The following CACNA2D4 variants were observed in gnomAD, a reference collection of about 807,000 sequenced individuals.
CACNA2D4 encodes the protein calcium voltage-gated channel auxiliary subunit alpha2delta 4, also known as voltage-dependent calcium channel subunit alpha-2/delta-4.
Under a neutral mutation model 163.8 loss-of-function variants are expected in CACNA2D4, and 157 were observed. The observed-to-expected ratio is 0.96, with a 90% CI of 0.84 to 1.09. CACNA2D4 has a LOEUF of 1.09. Among genes scored for constraint, CACNA2D4 ranks in the 50% least tolerant of loss-of-function variants. The pLI is 0.00. For missense variants in CACNA2D4, 1,410 were observed against 1,479.9 expected (o/e 0.95, Z 0.78); for synonymous variants, 598 against 586.9 (o/e 1.02, Z -0.27).
Position 1,848,762 on chromosome 12 carries a change from A to AATTATTATTATTATTATT in CACNA2D4, c.2247-2091_2247-2074dup, listed in dbSNP as rs146412961. 2.4e-3 allele frequency among the ~76,000 whole-genome samples: 359 copies of AATTATTATTATTATTATT among 147,370 alleles called. 1 individual carries two copies. Among genetic ancestry groups the AATTATTATTATTATTATT allele is most frequent in the East Asian group, 0.021 (104 of 5,070 alleles). On this transcript the variant is annotated intron_variant, in intron 23 of 37. Transcript: ENST00000382722. ...TATTTCATATGTTTTAACCCATTGCAATTATTATTATTATTATTATTTTTA... is the reference window on the plus strand; with the variant it reads ...TATTTCATATGTTTTAACCCATTGCAATTATTATTATTATTATTATTATTATTATTATTATTATTTTTA...
chr12:1,914,842 G>T lies in CACNA2D4; in HGVS notation c.309+12C>A, dbSNP rs762240683. 3 of 1,604,162 alleles carry T rather than the reference G, an allele frequency of 1.9e-6. No homozygotes were observed. Among genetic ancestry groups the T allele is most frequent in the African/African-American group, 1.3e-5 (1 of 74,824 alleles). ...TGCCACCCGGTGGGCTCTCTGGAAG[G>T]GGGTGACTGACCTTCTGCAGCAAGA... On this transcript the variant is annotated intron_variant, in intron 2 of 37. Coordinates refer to ENST00000382722, the MANE Select transcript of CACNA2D4 (RefSeq NM_172364.5).
In CACNA2D4 at chr12:1,844,542, A is replaced by T. The variant is rs1435046100; in HGVS notation, c.2343-13T>A. 8 of 1,611,368 alleles carry T rather than the reference A, an allele frequency of 5.0e-6. No homozygotes were observed. Among genetic ancestry groups the T allele is most frequent in the Non-Finnish European group, 6.8e-6 (8 of 1,178,520 alleles). On this transcript the variant is annotated splice_polypyrimidine_tract_variant and intron_variant, in intron 24 of 37. Transcript: ENST00000382722. The surrounding 1 kb of genome is among the most constrained non-coding windows in gnomAD (Gnocchi z 4.2). ...TGTCAGGAACTTCCTGCAAGGAGGA[A>T]GATGTGGTACCTCTCCCCAGATCTG...
At chr12:1,856,724 G>A (rs1035865758) in intron 20 of CACNA2D4, among the ~76,000 whole-genome samples, 9 of 152,308 alleles carry the variant, frequency 5.9e-5, no homozygotes, top group Middle Eastern at 3.4e-3. Context: ...TGTGTTTTGC[G>A]GCCTCTCACC....
chr12:1,900,826 C>G (rs937175673), intron 6 of CACNA2D4, among the ~76,000 whole-genome samples: 3 of 152,174 alleles, frequency 2.0e-5, no homozygotes, highest in African/African-American at 7.2e-5. Context: ...AAACATCATA[C>G]TTAATCTGCA....
chr12:1,861,429 A>T (rs1436828643), intron 18 of CACNA2D4, among the ~76,000 whole-genome samples: 2 of 148,076 alleles, frequency 1.4e-5, no homozygotes, highest in African/African-American at 2.5e-5. Flanking sequence ...ACTGGAGATC[A>T]TTTTTTTATT....
chr12:1,810,537 A>G lies in CACNA2D4; in HGVS notation c.2658+6T>C, dbSNP rs1863671874. On this transcript the variant is annotated splice_donor_region_variant and intron_variant, in intron 28 of 37. Coordinates refer to ENST00000382722, the MANE Select transcript of CACNA2D4 (RefSeq NM_172364.5). ...CCTCCACCTTCCTCACACGGGCAGA[A>G]CTTACACTGTCCTCGCAGCTCTGTG... The G allele has an allele frequency of 6.4e-7, 1 of 1,553,450 alleles. No individual in the cohort carries two copies. The highest frequency in any genetic ancestry group is 2.4e-5 in the East Asian group (1 of 41,002).
chr12:1,797,622 C>G, intron 34 of CACNA2D4, 87 bp from the exon 35 acceptor site: 1 of 983,334 alleles, frequency 1.0e-6, no homozygotes, highest in Non-Finnish European at 1.6e-6. Context: ...CCAGAGTTCA[C>G]CCCAGTGCAT....
chr12:1,835,597 G>A (rs1293107580), intron 26 of CACNA2D4: 1 of 152,630 alleles, frequency 6.6e-6, no homozygotes, highest in Non-Finnish European at 1.5e-5. Context: ...GTAACACCAG[G>A]ATCCTTTGAG....
chr12:1,850,502 TTATC>T (rs997596936), intron 23 of CACNA2D4, among the ~76,000 whole-genome samples: 7 of 152,204 alleles, frequency 4.6e-5, no homozygotes, highest in African/African-American at 1.2e-4. Flanking sequence ...GAGTAACCCT[TTATC>T]TGTTTTATAA....
intron 26 of CACNA2D4, among the ~76,000 whole-genome samples, chr12:1,823,019 G>C (rs1217404482): frequency 6.6e-6 from 1 of 152,210 alleles, no homozygotes; most frequent in Non-Finnish European, 1.5e-5. Flanking sequence ...CAGAGTGAAG[G>C]GGGCGGCAGA....
chr12:1,880,260 C>T (rs887182359), intron 13 of CACNA2D4, among the ~76,000 whole-genome samples: 1 of 152,254 alleles, frequency 6.6e-6, no homozygotes, highest in East Asian at 1.9e-4. Flanking sequence ...TTGCACAGCA[C>T]GAGCTTTCCA....
At chr12:1,870,286 C>T (rs568670312) in intron 18 of CACNA2D4, among the ~76,000 whole-genome samples, 1 of 152,208 alleles carries the variant, frequency 6.6e-6, no homozygotes, top group South Asian at 2.1e-4. Context: ...TGGGGCACCT[C>T]GAGGCTTCCC....
chr12:1,810,641 C>T, intron 27 of CACNA2D4, 54 bp from the exon 28 acceptor site: 3 of 1,517,844 alleles, frequency 2.0e-6, no homozygotes, highest in Non-Finnish European at 2.7e-6. Flanking sequence ...GTAGAAATGG[C>T]ACGTGTAAGT....
intron 1 of CACNA2D4, 30 bp from the exon 2 acceptor site, chr12:1,914,965 C>CGTGTGTGT: frequency 2.0e-6 from 3 of 1,466,016 alleles, no homozygotes; most frequent in Non-Finnish European, 2.9e-6. Context: ...CACGCGTATA[C>CGTGTGTGT]ACACACGTAC....
Position 1,871,027 on chromosome 12 carries a change from C to T in CACNA2D4, c.1878+3577G>A, listed in dbSNP as rs141635032. On this transcript the variant is annotated intron_variant, in intron 18 of 37. Coordinates refer to ENST00000382722, the MANE Select transcript of CACNA2D4 (RefSeq NM_172364.5). Reference sequence around the variant, plus strand: ...GAGGCAAAGCTGCTCTGAATGCCAGCCGCTGGTGTGTGTGTGTATACGTGT... The same window carrying T: ...GAGGCAAAGCTGCTCTGAATGCCAGTCGCTGGTGTGTGTGTGTATACGTGT... Among the ~76,000 whole-genome samples the T allele has an allele frequency of 4.9e-3, 744 of 152,282 alleles. 4 individuals are homozygous for T. The highest frequency in any genetic ancestry group is 0.017 in the African/African-American group (704 of 41,546).
At chr12:1,879,470 A>C (rs762757712) in intron 14 of CACNA2D4, among the ~76,000 whole-genome samples, 2 of 152,190 alleles carry the variant, frequency 1.3e-5, no homozygotes, top group Non-Finnish European at 2.9e-5. Flanking sequence ...TAGAGTCTGC[A>C]CAACCTGGCA....
Position 1,896,534 on chromosome 12 carries a change from G to A in CACNA2D4, c.782-9465C>T, listed in dbSNP as rs77256415. ...TATATGAAAAAATGCTCAATATCAC[G>A]AATCACGAGGGAAATGCAAATCAAT... On this transcript the variant is annotated intron_variant, in intron 6 of 37. Coordinates refer to ENST00000382722, the MANE Select transcript of CACNA2D4 (RefSeq NM_172364.5). Among the ~76,000 whole-genome samples, 214 of 150,804 alleles carry A rather than the reference G, an allele frequency of 1.4e-3. 7 individuals are homozygous for A. The East Asian group carries it at 0.028, about 20-fold the overall frequency.
At chr12:1,900,935 G>C (rs1866522384) in intron 6 of CACNA2D4, among the ~76,000 whole-genome samples, 1 of 152,162 alleles carries the variant, frequency 6.6e-6, no homozygotes, top group Non-Finnish European at 1.5e-5. Flanking sequence ...CTCAAGGATA[G>C]AGTACATTTA....
At chr12:1,861,985 A>C (rs1389414709) in intron 18 of CACNA2D4, among the ~76,000 whole-genome samples, 1 of 151,990 alleles carries the variant, frequency 6.6e-6, no homozygotes, top group Non-Finnish European at 1.5e-5. Context: ...CACACACAAA[A>C]ACTGCGTCTG....
Sources: gnomAD v4.1 joint callset for allele counts (sites outside exome capture counted in the v4.1 genomes callset) on GRCh38, gnomAD v4.1.1 for gene constraint, Gnocchi (gnomAD v3.1) non-coding constraint, MANE v1.5 for transcripts, NCBI Gene and HGNC (gene_info 2026-07-23, HGNC 2026-07-21) for gene names.